SMG7: variants seen among roughly 807,000 people sequenced by gnomAD.
SMG7 encodes SMG7 nonsense mediated mRNA decay factor.
Under a neutral mutation model 148.2 loss-of-function variants are expected in SMG7, and 34 were observed. The observed-to-expected ratio is 0.23, with a 90% CI of 0.17 to 0.31. The LOEUF is 0.31. SMG7 is among the 10% of genes least tolerant of loss of function. SMG7 has a pLI of 1.00. For missense variants in SMG7, 1,114 were observed against 1,408.4 expected (o/e 0.79, Z 3.35); for synonymous variants, 492 against 515.1 (o/e 0.96, Z 0.61).
At chr1:183,500,237 G>A (rs1003193516) in intron 1 of SMG7, among the ~76,000 whole-genome samples, 2 of 152,032 alleles carry the variant, frequency 1.3e-5, no homozygotes, top group South Asian at 2.1e-4. Context: ...AATATTTAAT[G>A]TTCTGTATAT....
intron 1 of SMG7, among the ~76,000 whole-genome samples, chr1:183,492,873 C>A (rs568649702): frequency 6.6e-6 from 1 of 151,984 alleles, no homozygotes; most frequent in African/African-American, 2.4e-5. Flanking sequence ...TTATTGCATC[C>A]GACACGTTAT....
In SMG7 at chr1:183,512,808, C is replaced by CTTTTTTTTTTTTTTTTTTTTTTTTT. The variant is rs59379855; in HGVS notation, c.30-9_30-8insTTTTTTTTTTTTTTTTTTTTTTTTT. ...GCCTCGTTTGTTTCTAACTGATACT[C>CTTTTTTTTTTTTTTTTTTTTTTTTT]TTTTTTTTTTTTTTTTTTTTCTATC... On this transcript the variant is annotated intron_variant, in intron 1 of 22. Coordinates refer to ENST00000688051, the MANE Select transcript of SMG7 (RefSeq NM_001375584.1). 9 of 1,279,384 alleles carry CTTTTTTTTTTTTTTTTTTTTTTTTT rather than the reference C, an allele frequency of 7.0e-6. 3 individuals are homozygous for CTTTTTTTTTTTTTTTTTTTTTTTTT. The highest frequency in any genetic ancestry group is 5.7e-5 in the Admixed American group (2 of 34,788). The allele number at this position is 1,279,384 out of a possible 1,614,324, so 79.3% of individuals were successfully genotyped here.
In SMG7 at chr1:183,541,017, T is replaced by C; in HGVS notation, c.1329T>C (p.Ile443=). Residue 443 remains isoleucine (I), a synonymous_variant, in exon 13 of 23, where the codon ATT becomes ATC. Transcript: ENST00000688051. ...ATTTTTCCAAAGGTCACCAGGGTAT[T>C]ACAGGGGACAAAGAAGGCCAGCAAC... is the stretch of plus-strand genomic sequence containing the variant. ...NLDFSKGHQG[I]TGDKEGQQRR... is the part of the protein sequence containing the mutation. 2 of 1,613,088 alleles carry C rather than the reference T, an allele frequency of 1.2e-6. No individual in the cohort carries two copies. Among genetic ancestry groups the C allele is most frequent in the South Asian group, 2.2e-5 (2 of 91,074 alleles).
At chr1:183,512,769 T>A in intron 1 of SMG7, 68 bp from the exon 2 acceptor site, 1 of 1,413,616 alleles carries the variant, frequency 7.1e-7, no homozygotes, top group Non-Finnish European at 9.7e-7. Context: ...TAGTGTTATT[T>A]ATATGTTAGT....
intron 18 of SMG7, chr1:183,548,996 T>C: frequency 1.8e-6 from 1 of 570,848 alleles, no homozygotes; most frequent in South Asian, 2.2e-5. Context: ...TGACTAGGTT[T>C]GATCTAAAAG....
In SMG7 at chr1:183,551,925, A is replaced by G; in HGVS notation, c.3558A>G (p.Pro1186=). 6.2e-7 allele frequency: 1 copy of G among 1,613,594 alleles called. No homozygotes were observed. Among genetic ancestry groups the G allele is most frequent in the Non-Finnish European group, 8.5e-7 (1 of 1,179,706 alleles). Residue 1186 remains proline (P), a synonymous_variant, in exon 23 of 23, where the codon CCA becomes CCG. Transcript: ENST00000688051. ...QQRGQGTMNP[P]H The stretch of plus-strand genomic sequence containing the variant: ...GGGGACAAGGCACCATGAACCCTCC[A>G]CACTGAGGCCAAAGTGGCAACCTGG...
At chr1:183,540,845 A>G in intron 12 of SMG7, 139 bp from the exon 13 acceptor site, 4 of 574,104 alleles carry the variant, frequency 7.0e-6, no homozygotes, top group Non-Finnish European at 1.2e-5. Flanking sequence ...AAATTCTAAT[A>G]AATGCAGTTG....
chr1:183,523,371 T>TA (rs1665175247), intron 4 of SMG7, among the ~76,000 whole-genome samples: 1 of 152,084 alleles, frequency 6.6e-6, no homozygotes. Flanking sequence ...TTTCTGATTG[T>TA]AAAAAAGAGA....
intron 1 of SMG7, chr1:183,502,490 T>G: frequency 1.0e-6 from 1 of 992,216 alleles, no homozygotes; most frequent in Non-Finnish European, 1.4e-6. Context: ...AGAAACTTCC[T>G]GAAACATTTG....
chr1:183,542,948 T>TGCGTGTGTGTGTGTGTGTGTGTGC, intron 14 of SMG7, among the ~76,000 whole-genome samples: 1 of 149,600 alleles, frequency 6.7e-6, no homozygotes, highest in Admixed American at 6.7e-5. Flanking sequence ...TGTGTGTGTG[T>TGCGTGTGTGTGTGTGTGTGTGTGC]GTGTGTGTGT....
chr1:183,546,414 T>G (rs902019387), intron 17 of SMG7, 77 bp downstream of exon 17: 11 of 1,477,804 alleles, frequency 7.4e-6, no homozygotes, highest in Non-Finnish European at 9.1e-6. Context: ...CTCAAATAGA[T>G]CTTATAAAAA....
At chr1:183,493,702 C>G (rs1657647959) in intron 1 of SMG7, among the ~76,000 whole-genome samples, 1 of 152,154 alleles carries the variant, frequency 6.6e-6, no homozygotes, top group African/African-American at 2.4e-5. Flanking sequence ...GTGCCTTAAC[C>G]TCCCAAGTAC....
Position 183,545,214 on chromosome 1 carries a change from C to G in SMG7, c.2272C>G (p.Gln758Glu), listed in dbSNP as rs759994894. The G allele has an allele frequency of 6.2e-7, 1 of 1,614,124 alleles. No homozygotes were observed. Among genetic ancestry groups the G allele is most frequent in the Admixed American group, 1.7e-5 (1 of 60,016 alleles). ...PAQPTAQSTS[Q>E]LQVQALTQQQ... ...TCAGCCAACAGCACAGTCTACAAGC[C>G]AGCTGCAGGTTCAAGCTCTAACTCA... is the stretch of plus-strand genomic sequence containing the variant. The change falls in exon 16 of 23, where the codon CAG (glutamine) becomes GAG (glutamate). Residue 758 changes from glutamine to glutamate, a missense_variant. Physicochemically the swap from Gln to Glu is conservative, Grantham distance 29. Coordinates refer to ENST00000688051, the MANE Select transcript of SMG7 (RefSeq NM_001375584.1).
intron 20 of SMG7, among the ~76,000 whole-genome samples, chr1:183,550,538 CT>C (rs1489936485): frequency 6.6e-6 from 1 of 152,080 alleles, no homozygotes; most frequent in African/African-American, 2.4e-5. Context: ...TTTTATTTTG[CT>C]TTTTTAAGGC....
intron 1 of SMG7, among the ~76,000 whole-genome samples, chr1:183,479,374 C>A (rs1653489995): frequency 6.6e-6 from 1 of 152,144 alleles, no homozygotes; most frequent in South Asian, 2.1e-4. Flanking sequence ...ATGCCAGTAT[C>A]TTCCCTTGCA....
At chr1:183,536,497 T>G (rs942979956) in intron 10 of SMG7, among the ~76,000 whole-genome samples, 4 of 152,136 alleles carry the variant, frequency 2.6e-5, no homozygotes, top group Non-Finnish European at 5.9e-5. Context: ...TAATGGAAAC[T>G]TTAACATACC....
At position 183,553,163 on chromosome 1, in the gene SMG7, C is replaced by T. The variant is rs1254238836; in HGVS notation, c.*1232C>T. On this transcript the variant is annotated 3_prime_UTR_variant, in exon 23 of 23. Coordinates refer to ENST00000688051, the MANE Select transcript of SMG7 (RefSeq NM_001375584.1). ...CCATCAGGCACAGAAGAAAACACGA[C>T]GTCGTCCATTTTGGAAGAGACGAAA... 3.3e-6 allele frequency: 5 copies of T among 1,536,428 alleles called. No homozygotes were observed. Among genetic ancestry groups the T allele is most frequent in the Non-Finnish European group, 4.4e-6 (5 of 1,146,912 alleles).
At chr1:183,493,129 TC>T (rs1340060824) in intron 1 of SMG7, among the ~76,000 whole-genome samples, 1 of 147,610 alleles carries the variant, frequency 6.8e-6, no homozygotes, top group East Asian at 2.1e-4. Context: ...CTGCCACTGT[TC>T]CTGGCTAATT....
At chr1:183,509,542 CGTAGG>C (rs1389453786) in intron 1 of SMG7, among the ~76,000 whole-genome samples, 1 of 151,904 alleles carries the variant, frequency 6.6e-6, no homozygotes, top group Non-Finnish European at 1.5e-5. Context: ...ATAGCTATCC[CGTAGG>C]GTTGTTATAT....
Sources: allele counts gnomAD v4.1 joint callset (sites outside exome capture counted in the v4.1 genomes callset), GRCh38; gene constraint gnomAD v4.1.1; transcripts MANE v1.5; gene names NCBI Gene and HGNC (gene_info 2026-07-23, HGNC 2026-07-21).